SEC24B: variants seen among roughly 807,000 people sequenced by gnomAD.
The protein encoded by SEC24B is SEC24 homolog B, COPII component.
In SEC24B, 45 loss-of-function variants were observed where a neutral mutation model predicts 142.8. That is an observed-to-expected ratio of 0.32 (90% CI 0.25 to 0.40). SEC24B has a LOEUF of 0.40. SEC24B is among the 10% of genes least tolerant of loss of function. The pLI, the probability that SEC24B is intolerant of heterozygous loss-of-function variation, is 1.00. For missense variants in SEC24B, 1,409 were observed against 1,526.8 expected (o/e 0.92, Z 1.29); for synonymous variants, 574 against 568.2 (o/e 1.01, Z -0.15).
At chr4:109,507,481 G>A (rs528110358) in intron 7 of SEC24B, among the ~76,000 whole-genome samples, 25 of 151,852 alleles carry the variant, frequency 1.6e-4, no homozygotes, top group Middle Eastern at 3.4e-3. Context: ...ACCATGTTGG[G>A]CAGACTGTTC....
intron 5 of SEC24B, among the ~76,000 whole-genome samples, chr4:109,493,366 G>A (rs1010833287): frequency 2.0e-5 from 3 of 152,048 alleles, no homozygotes; most frequent in African/African-American, 7.2e-5. Flanking sequence ...GATATCTTAC[G>A]AACTAAAATG....
intron 1 of SEC24B, among the ~76,000 whole-genome samples, chr4:109,461,976 C>T (rs1289326650): frequency 6.6e-6 from 1 of 151,718 alleles, no homozygotes; most frequent in East Asian, 1.9e-4. Flanking sequence ...TTGGCTGGGC[C>T]GTGGTGTATG....
chr4:109,503,348 C>T lies in SEC24B; in HGVS notation c.1489-2980C>T, dbSNP rs961044880. Among the ~76,000 whole-genome samples the T allele has an allele frequency of 6.6e-5, 10 of 152,042 alleles. No homozygotes were observed. The South Asian group carries it at 8.3e-4, about 13-fold the overall frequency. ...AAGCGATTCTCCTGCCTCAGCCTCC[C>T]GAGTAGCTGGGATTACAGGCGCCCG... is the stretch of plus-strand genomic sequence containing the variant. On this transcript the variant is annotated intron_variant, in intron 6 of 23. Coordinates refer to ENST00000265175, the MANE Select transcript of SEC24B (RefSeq NM_006323.5).
chr4:109,503,062 C>CTTT (rs200320332), intron 6 of SEC24B, among the ~76,000 whole-genome samples: 11 of 138,400 alleles, frequency 7.9e-5, no homozygotes, highest in African/African-American at 2.4e-4. Flanking sequence ...TTCTTTCTTT[C>CTTT]TTTTTTTTTT....
At chr4:109,509,934 C>A in intron 7 of SEC24B, 75 bp from the exon 8 acceptor site, 1 of 835,066 alleles carries the variant, frequency 1.2e-6, no homozygotes, top group Non-Finnish European at 1.9e-6. Flanking sequence ...CTTAAATGTT[C>A]TTAGTTATCT....
intron 4 of SEC24B, among the ~76,000 whole-genome samples, chr4:109,482,005 T>C (rs950814791): frequency 6.6e-6 from 1 of 152,262 alleles, no homozygotes; most frequent in Non-Finnish European, 1.5e-5. Context: ...TCAGAATTCC[T>C]CTTTCATGAC....
chr4:109,479,955 TAA>T (rs765459047), intron 3 of SEC24B, among the ~76,000 whole-genome samples: 34 of 152,202 alleles, frequency 2.2e-4, no homozygotes, highest in South Asian at 6.2e-4. Context: ...TTTTTGGTAT[TAA>T]GTTTGTTTCT....
intron 23 of SEC24B, among the ~76,000 whole-genome samples, chr4:109,539,299 G>C (rs1054543583): frequency 6.6e-6 from 1 of 151,530 alleles, no homozygotes; most frequent in African/African-American, 2.4e-5. Flanking sequence ...AAGCAATGGG[G>C]ATCTTTCTAT....
chr4:109,537,257 G>A (rs1301389878), intron 22 of SEC24B, among the ~76,000 whole-genome samples: 1 of 152,160 alleles, frequency 6.6e-6, no homozygotes, highest in Non-Finnish European at 1.5e-5. Flanking sequence ...CAATCATGTA[G>A]ACAGTTTAGG....
chr4:109,466,253 C>T (rs541641438), intron 2 of SEC24B, among the ~76,000 whole-genome samples: 1 of 152,142 alleles, frequency 6.6e-6, no homozygotes, highest in African/African-American at 2.4e-5. Flanking sequence ...GTTGCAGTGC[C>T]TTGGGGAGCC....
chr4:109,520,513 C>A, intron 12 of SEC24B, 29 bp downstream of exon 12: 1 of 1,346,102 alleles, frequency 7.4e-7, no homozygotes, highest in Non-Finnish European at 1.1e-6. Context: ...AAAAGCCTTT[C>A]TAACTACGGA....
chr4:109,463,380 GA>G lies in SEC24B; in HGVS notation c.614del (p.Asp205ValfsTer56). 1 of 1,614,180 alleles carries G rather than the reference GA, an allele frequency of 6.2e-7. No individual in the cohort carries two copies. The highest frequency in any genetic ancestry group is 8.5e-7 in the Non-Finnish European group (1 of 1,180,028). On this transcript the variant is annotated frameshift_variant, in exon 2 of 24. Transcript: ENST00000265175. LOFTEE classifies it high-confidence loss of function. Reference protein sequence around the residue: ...SVSYPSLPAGDTYGQMFTSQN... With the variant: ...SVSYPSLPAGXTYGQMFTSQN... The stretch of plus-strand genomic sequence containing the variant: ...TTCATATCCCTCTCTGCCTGCTGGT[GA>G]TACATATGGGCAAATGTTTACCTCA...
chr4:109,484,144 C>T (rs1236879999), intron 4 of SEC24B, among the ~76,000 whole-genome samples: 1 of 152,166 alleles, frequency 6.6e-6, no homozygotes, highest in Non-Finnish European at 1.5e-5. Flanking sequence ...TTGGATCATG[C>T]GTTGAATTTA....
intron 10 of SEC24B, among the ~76,000 whole-genome samples, chr4:109,514,383 C>G (rs1426930855): frequency 6.6e-6 from 1 of 152,074 alleles, no homozygotes; most frequent in Non-Finnish European, 1.5e-5. Context: ...GTTATCATAT[C>G]TTCTCTTTTT....
chr4:109,488,402 A>G (rs903961240), intron 4 of SEC24B, among the ~76,000 whole-genome samples: 4 of 152,034 alleles, frequency 2.6e-5, no homozygotes, highest in Non-Finnish European at 5.9e-5. Flanking sequence ...CTTTTAACAT[A>G]ATGTTTTCAA....
At chr4:109,472,215 T>G (rs1370329884) in intron 2 of SEC24B, among the ~76,000 whole-genome samples, 1 of 152,216 alleles carries the variant, frequency 6.6e-6, no homozygotes, top group Non-Finnish European at 1.5e-5. Context: ...GGTATATATA[T>G]GTAGATTTAT....
chr4:109,538,757 T>C (rs1372627781), intron 23 of SEC24B, among the ~76,000 whole-genome samples, 161 bp downstream of exon 23: 1 of 152,112 alleles, frequency 6.6e-6, no homozygotes, highest in Non-Finnish European at 1.5e-5. Context: ...GACATCTCCA[T>C]ATATTAGTAA....
chr4:109,482,527 G>A (rs148889536), intron 4 of SEC24B, among the ~76,000 whole-genome samples: 145 of 152,198 alleles, frequency 9.5e-4, no homozygotes, highest in African/African-American at 3.0e-3. Context: ...TATACATAGT[G>A]AGATAGTTTG....
At chr4:109,509,529 T>A (rs1311720192) in intron 7 of SEC24B, among the ~76,000 whole-genome samples, 1 of 151,828 alleles carries the variant, frequency 6.6e-6, no homozygotes, top group Non-Finnish European at 1.5e-5. Flanking sequence ...TACAAAAAAT[T>A]AGCTGGGCAT....
Sources: gnomAD v4.1 joint callset for allele counts (sites outside exome capture counted in the v4.1 genomes callset) on GRCh38, gnomAD v4.1.1 for gene constraint, MANE v1.5 for transcripts, NCBI Gene and HGNC (gene_info 2026-07-23, HGNC 2026-07-21) for gene names.